FAXC: variants seen among roughly 807,000 people sequenced by gnomAD.
The protein encoded by FAXC is failed axon connections homolog.
Under a neutral mutation model 41.9 loss-of-function variants are expected in FAXC, and 10 were observed. That is an observed-to-expected ratio of 0.24 (90% confidence interval 0.15 to 0.41). The LOEUF (loss-of-function observed/expected upper bound fraction) is 0.41, where lower values mean the gene tolerates loss of function less well. Ranked by LOEUF, FAXC falls within the 10% of genes least tolerant of loss-of-function variation. The probability of loss-of-function intolerance (pLI) is 1.00; values close to 1 mark genes in which losing one functional copy is unlikely to be tolerated. For synonymous variants in FAXC, 183 were observed against 183.8 expected, an observed-to-expected ratio of 1.00 and a Z score of 0.03; for missense variants, 399 against 510.9, an observed-to-expected ratio of 0.78 and a Z score of 2.11.
chr6:99,334,563 C>A, intron 2 of FAXC: 1 of 929,490 alleles, frequency 1.1e-6, no homozygotes, highest in Non-Finnish European at 1.3e-6. Context: ...GCTAATACAT[C>A]TAACATTCTT....
At chr6:99,334,912 C>T (rs1041055335) in intron 2 of FAXC, among the ~76,000 whole-genome samples, 1 of 152,184 alleles carries the variant, frequency 6.6e-6, no homozygotes, top group African/African-American at 2.4e-5. Context: ...ATTCCAGCTA[C>T]CCCTACCCAG....
intron 4 of FAXC, among the ~76,000 whole-genome samples, chr6:99,319,996 AT>A (rs1208119043): frequency 6.6e-6 from 1 of 152,218 alleles, no homozygotes; most frequent in African/African-American, 2.4e-5. Context: ...ACAAAGATAT[AT>A]TTCTTTCATG....
Position 99,343,980 on chromosome 6 carries a change from T to C in FAXC, c.267-947A>G, listed in dbSNP as rs1044584007. 3.3e-5 allele frequency among the ~76,000 whole-genome samples: 5 copies of C among 152,180 alleles called. No individual in the cohort carries two copies. In the East Asian group the frequency reaches 7.7e-4, roughly 23 times the overall value. On this transcript the variant is annotated intron_variant, in intron 1 of 5. Coordinates refer to ENST00000389677, the MANE Select transcript of FAXC (RefSeq NM_032511.4). ...CTCTTTTGGGTGAGAAGGACTTCCC[T>C]GCATACAGCTTTTCAATAACCACTA...
rs72915272 is a variant in FAXC, at chr6:99,318,953, C to A, written c.823+4491G>T. On this transcript the variant is annotated intron_variant, in intron 4 of 5. Coordinates refer to ENST00000389677, the MANE Select transcript of FAXC (RefSeq NM_032511.4). Reference sequence around the variant, plus strand: ...TTTTGATTTTCATGTCTTCTTTGCTCTTTATTGACTCTCATTCTTTTTTGG... The same window carrying A: ...TTTTGATTTTCATGTCTTCTTTGCTATTTATTGACTCTCATTCTTTTTTGG... Among the ~76,000 whole-genome samples the A allele has an allele frequency of 6.1e-4, 93 of 152,288 alleles. 1 individual carries two copies. Among genetic ancestry groups the A allele is most frequent in the Admixed American group, 2.7e-3 (41 of 15,300 alleles).
intron 5 of FAXC, among the ~76,000 whole-genome samples, chr6:99,282,163 T>C (rs906412878): frequency 6.6e-6 from 1 of 152,190 alleles, no homozygotes; most frequent in Admixed American, 6.5e-5. Context: ...ATTTTATTAT[T>C]TTATGTTTAC....
intron 4 of FAXC, among the ~76,000 whole-genome samples, chr6:99,318,685 C>T (rs1004577714): frequency 6.6e-6 from 1 of 152,198 alleles, no homozygotes; most frequent in African/African-American, 2.4e-5. Context: ...GGGTCAGGCC[C>T]TGCAGTAAGT....
At chr6:99,330,327 C>G (rs1313131221) in intron 3 of FAXC, among the ~76,000 whole-genome samples, 1 of 152,148 alleles carries the variant, frequency 6.6e-6, no homozygotes, top group Admixed American at 6.5e-5. Flanking sequence ...AGTTTCATTC[C>G]AGTCATTTGA....
rs1770744968 is a variant in FAXC, at chr6:99,279,462, G to GTT, written c.*1701_*1702insAA. 1.5e-5 allele frequency: 2 copies of GTT among 134,266 alleles called. No homozygotes were observed. Among genetic ancestry groups the GTT allele is most frequent in the African/African-American group, 5.3e-5 (2 of 37,616 alleles). 8.3% of individuals were successfully genotyped at this position (134,266 alleles called of 1,614,324 possible). On this transcript the variant is annotated 3_prime_UTR_variant, in exon 6 of 6. Coordinates refer to ENST00000389677, the MANE Select transcript of FAXC (RefSeq NM_032511.4). ...TTTGCAAATGCTATATTCAAAAAGA[G>GTT]GTTTTTTTTTTTTCAAGTAAAGTGC...
intron 4 of FAXC, among the ~76,000 whole-genome samples, chr6:99,297,884 G>A (rs907156112): frequency 6.6e-6 from 1 of 152,138 alleles, no homozygotes; most frequent in East Asian, 1.9e-4. Flanking sequence ...CATTGTCCAC[G>A]CCTCTGTTAA....
intron 5 of FAXC, among the ~76,000 whole-genome samples, chr6:99,291,274 C>T (rs530743257): frequency 3.9e-5 from 6 of 152,292 alleles, no homozygotes; most frequent in Admixed American, 1.3e-4. Flanking sequence ...AGTTCATCAG[C>T]GTCAGCCCAC....
intron 4 of FAXC, among the ~76,000 whole-genome samples, chr6:99,307,226 G>A (rs575468092): frequency 3.3e-5 from 5 of 152,286 alleles, no homozygotes; most frequent in African/African-American, 1.2e-4. Context: ...AGAGTAAATG[G>A]GAGATAAGGG....
At chr6:99,290,667 A>G (rs1357976216) in intron 5 of FAXC, among the ~76,000 whole-genome samples, 1 of 151,390 alleles carries the variant, frequency 6.6e-6, no homozygotes, top group Non-Finnish European at 1.5e-5. Context: ...GCACCACTGC[A>G]CTCCAGCCTG....
intron 3 of FAXC, among the ~76,000 whole-genome samples, chr6:99,325,244 T>C (rs1052459824): frequency 2.6e-5 from 4 of 152,176 alleles, no homozygotes; most frequent in African/African-American, 9.7e-5. Context: ...TATAGTTCTG[T>C]TCTTTAAGGG....
intron 4 of FAXC, among the ~76,000 whole-genome samples, chr6:99,319,291 T>C (rs1470011228): frequency 6.6e-6 from 1 of 150,406 alleles, no homozygotes; most frequent in Non-Finnish European, 1.5e-5. Flanking sequence ...CCCAGCTACT[T>C]ACGAGGGTGA....
chr6:99,342,474 A>C (rs914713749), intron 2 of FAXC, among the ~76,000 whole-genome samples: 2 of 151,632 alleles, frequency 1.3e-5, no homozygotes, highest in African/African-American at 4.9e-5. Flanking sequence ...CCTCCCAGGT[A>C]GCTGGGATTA....
intron 5 of FAXC, among the ~76,000 whole-genome samples, chr6:99,286,038 C>G (rs367959257): frequency 7.9e-5 from 12 of 152,098 alleles, no homozygotes; most frequent in Non-Finnish European, 1.8e-4. Context: ...CCCTTGGTCA[C>G]GAACCAGCAA....
At chr6:99,346,256 T>C (rs1040510132) in intron 1 of FAXC, among the ~76,000 whole-genome samples, 2 of 152,202 alleles carry the variant, frequency 1.3e-5, no homozygotes, top group Non-Finnish European at 1.5e-5. Flanking sequence ...CTGGTTTTTT[T>C]CCCTTTGCCC....
At chr6:99,299,907 C>A (rs1253891375) in intron 4 of FAXC, among the ~76,000 whole-genome samples, 2 of 152,104 alleles carry the variant, frequency 1.3e-5, no homozygotes, top group African/African-American at 2.4e-5. Flanking sequence ...CGCCAATTAG[C>A]TCACATTCTG....
Position 99,279,370 on chromosome 6 carries a change from G to A in FAXC, c.*1794C>T, listed in dbSNP as rs147751716. On this transcript the variant is annotated 3_prime_UTR_variant, in exon 6 of 6. Coordinates refer to ENST00000389677, the MANE Select transcript of FAXC (RefSeq NM_032511.4). Reference sequence around the variant, plus strand: ...TATGCCCTACACAATTGCTTAAGTGGTAAGCAGTCTGAAAAACTCTCCTCC... The same window carrying A: ...TATGCCCTACACAATTGCTTAAGTGATAAGCAGTCTGAAAAACTCTCCTCC... 3.9e-5 allele frequency: 6 copies of A among 152,072 alleles called. No individual in the cohort carries two copies. The highest frequency in any genetic ancestry group is 5.9e-5 in the Non-Finnish European group (4 of 68,020). The allele number at this position is 152,072 out of a possible 1,614,324, so 9.4% of individuals were successfully genotyped here.
Sources: gnomAD v4.1 joint callset for allele counts (sites outside exome capture counted in the v4.1 genomes callset) on GRCh38, gnomAD v4.1.1 for gene constraint, MANE v1.5 for transcripts, NCBI Gene and HGNC (gene_info 2026-07-23, HGNC 2026-07-21) for gene names.